CAV1: variants seen among roughly 807,000 people sequenced by gnomAD.
CAV1 encodes caveolin 1.
A neutral mutation model predicts 16.5 loss-of-function variants in CAV1; 10 were observed. The observed-to-expected ratio is 0.61, with a 90% CI of 0.37 to 1.03. The LOEUF (loss-of-function observed/expected upper bound fraction) is 1.03, where lower values mean the gene tolerates loss of function less well. CAV1 is among the 50% of genes least tolerant of loss of function. The pLI, the probability that CAV1 is intolerant of heterozygous loss-of-function variation, is 0.01. For synonymous variants in CAV1, 76 were observed against 85.1 expected (o/e 0.89, Z 0.59); for missense variants, 212 against 232.8 (o/e 0.91, Z 0.58).
intron 2 of CAV1, among the ~76,000 whole-genome samples, chr7:116,534,224 A>G (rs1584771573): frequency 1.3e-5 from 2 of 151,226 alleles, no homozygotes; most frequent in South Asian, 2.1e-4. Context: ...TCACAAAAAA[A>G]TAAAAATAAA....
intron 2 of CAV1, among the ~76,000 whole-genome samples, chr7:116,540,581 C>A (rs1793914682): frequency 6.6e-6 from 1 of 152,138 alleles, no homozygotes; most frequent in Admixed American, 6.5e-5. Context: ...ACAGTCATAG[C>A]ACACTTAATA....
At chr7:116,534,393 A>ATTTTTT (rs1451265934) in intron 2 of CAV1, among the ~76,000 whole-genome samples, 1 of 6,884 alleles carries the variant, frequency 1.5e-4, no homozygotes, top group African/African-American at 4.7e-4. Context: ...ATATATATAT[A>ATTTTTT]TATTTTTTTT....
chr7:116,526,595 A>C lies in CAV1; in HGVS notation c.101A>C (p.Asp34Ala), dbSNP rs1255797188. 6.2e-7 allele frequency: 1 copy of C among 1,614,180 alleles called. No homozygotes were observed. Among genetic ancestry groups the C allele is most frequent in the Non-Finnish European group, 8.5e-7 (1 of 1,180,028 alleles). Residue 34 changes from aspartate to alanine, a missense_variant, in exon 2 of 3, where the codon GAC becomes GCC. Coordinates refer to ENST00000341049, the MANE Select transcript of CAV1 (RefSeq NM_001753.5). ...AAGCCCAACAACAAGGCCATGGCAG[A>C]CGAGCTGAGCGAGAAGCAAGTGTAC... ...IYKPNNKAMA[D>A]ELSEKQVYDA...
Position 116,559,304 on chromosome 7 carries a change from A to G in CAV1, c.*17A>G. 1.3e-6 allele frequency: 2 copies of G among 1,589,376 alleles called. No individual in the cohort carries two copies. The highest frequency in any genetic ancestry group is 1.7e-6 in the Non-Finnish European group (2 of 1,157,980). ...GAAATATAAATGACATTTCAAGGAT[A>G]GAAGTATACCTGATTTTTTTTCCTT... On this transcript the variant is annotated 3_prime_UTR_variant, in exon 3 of 3. Coordinates refer to ENST00000341049, the MANE Select transcript of CAV1 (RefSeq NM_001753.5).
intron 2 of CAV1, among the ~76,000 whole-genome samples, chr7:116,549,810 A>G (rs557005912): frequency 6.6e-6 from 1 of 152,286 alleles, no homozygotes; most frequent in South Asian, 2.1e-4. Context: ...TGTGCATAGT[A>G]CCACTAGGTA....
chr7:116,533,277 G>A (rs895948782), intron 2 of CAV1, among the ~76,000 whole-genome samples: 3 of 151,836 alleles, frequency 2.0e-5, no homozygotes, highest in African/African-American at 7.3e-5. Flanking sequence ...GGCCAAGATT[G>A]CAGTGAGCCA....
At chr7:116,549,301 C>T (rs1174391554) in intron 2 of CAV1, among the ~76,000 whole-genome samples, 1 of 152,212 alleles carries the variant, frequency 6.6e-6, no homozygotes, top group East Asian at 1.9e-4. Flanking sequence ...CAGGTCTACA[C>T]AACTGCAGTG....
intron 2 of CAV1, among the ~76,000 whole-genome samples, chr7:116,538,788 A>G (rs779566817): frequency 9.9e-5 from 15 of 152,192 alleles, no homozygotes; most frequent in Non-Finnish European, 2.2e-4. Flanking sequence ...ACAGTTCCAC[A>G]TGCCTGGGGA....
intron 2 of CAV1, among the ~76,000 whole-genome samples, chr7:116,537,895 A>G (rs565200777): frequency 1.3e-5 from 2 of 152,356 alleles, no homozygotes; most frequent in South Asian, 4.1e-4. Context: ...GTGTGGCCAG[A>G]GTAGAACTAG....
At chr7:116,539,526 C>A (rs1295031292) in intron 2 of CAV1, among the ~76,000 whole-genome samples, 2 of 151,874 alleles carry the variant, frequency 1.3e-5, no homozygotes, top group Non-Finnish European at 2.9e-5. Context: ...CCCTATTGGC[C>A]ATATTTGAAA....
intron 2 of CAV1, among the ~76,000 whole-genome samples, chr7:116,534,632 C>A (rs1258847108): frequency 6.6e-6 from 1 of 151,272 alleles, no homozygotes; most frequent in African/African-American, 2.4e-5. Flanking sequence ...AATCTCCTGA[C>A]CTTGTGATCC....
intron 2 of CAV1, among the ~76,000 whole-genome samples, chr7:116,530,794 C>A (rs534354419): frequency 6.6e-6 from 1 of 152,256 alleles, no homozygotes; most frequent in African/African-American, 2.4e-5. Flanking sequence ...GTAAATCCAG[C>A]ACTCATGATA....
In CAV1 at chr7:116,526,424, G is replaced by T. The variant is rs1420960417; in HGVS notation, c.31-101G>T. 3.2e-6 allele frequency: 5 copies of T among 1,584,110 alleles called. No homozygotes were observed. The Admixed American group carries it at 5.2e-5, about 16-fold the overall frequency. On this transcript the variant is annotated intron_variant, in intron 1 of 2. Transcript: ENST00000341049. ...TTTCGAGCTCGAGGTTTCCCCCGCC[G>T]CCAGGCTGACTTCTCATCGCTTGTT...
intron 2 of CAV1, among the ~76,000 whole-genome samples, chr7:116,543,732 G>A (rs1398698244): frequency 3.9e-5 from 6 of 152,154 alleles, no homozygotes; most frequent in African/African-American, 1.2e-4. Flanking sequence ...GCCTTAAGAA[G>A]GTCTAGCTAA....
At chr7:116,543,362 C>T (rs112293103) in intron 2 of CAV1, among the ~76,000 whole-genome samples, 102 of 152,216 alleles carry the variant, frequency 6.7e-4, no homozygotes, top group African/African-American at 2.2e-3. Context: ...ATATACAGAC[C>T]GTGGTATTTA....
rs36068092 is a variant in CAV1 at position 116,559,612 on chromosome 7, AG to A, written c.*327del. On this transcript the variant is annotated 3_prime_UTR_variant, in exon 3 of 3. Coordinates refer to ENST00000341049, the MANE Select transcript of CAV1 (RefSeq NM_001753.5). The stretch of plus-strand genomic sequence containing the variant: ...TTGAGAGAAATATGAAGAACTGAGG[AG>A]GAAAAAAAAAAAAAAGAAAAGAACC... The A allele has an allele frequency of 3.4e-5, 16 of 475,582 alleles. No individual in the cohort carries two copies. Among genetic ancestry groups the A allele is most frequent in the African/African-American group, 1.0e-4 (5 of 49,606 alleles). 29.5% of individuals were successfully genotyped at this position (475,582 alleles called of 1,614,324 possible).
intron 2 of CAV1, among the ~76,000 whole-genome samples, chr7:116,551,448 A>G (rs1452986061): frequency 6.6e-6 from 1 of 152,220 alleles, no homozygotes; most frequent in Non-Finnish European, 1.5e-5. Context: ...AGAAAGTTGT[A>G]AATGCTATAT....
chr7:116,527,403 G>C (rs1408179630), intron 2 of CAV1, among the ~76,000 whole-genome samples: 1 of 152,192 alleles, frequency 6.6e-6, no homozygotes, highest in Non-Finnish European at 1.5e-5. Context: ...AGCTACCTGG[G>C]TCAGCCTGCC....
chr7:116,526,863 C>A, intron 2 of CAV1, 174 bp downstream of exon 2: 1 of 693,102 alleles, frequency 1.4e-6, no homozygotes, highest in Non-Finnish European at 2.5e-6. Flanking sequence ...CCGCAGTCGG[C>A]AGAAACGTTA....
Sources: gnomAD v4.1 joint callset for allele counts (sites outside exome capture counted in the v4.1 genomes callset) on GRCh38, gnomAD v4.1.1 for gene constraint, MANE v1.5 for transcripts, NCBI Gene and HGNC (gene_info 2026-07-23, HGNC 2026-07-21) for gene names.